Variants in HACE1 observed in about 807,000 individuals in gnomAD.
HACE1 encodes E3 ubiquitin-protein ligase HACE1.
A neutral mutation model predicts 118.4 loss-of-function variants in HACE1; 73 were observed. The observed-to-expected ratio is 0.62, with a 90% CI of 0.51 to 0.75. The LOEUF is 0.75. Among genes scored for constraint, HACE1 ranks in the 30% least tolerant of loss-of-function variants. The pLI is 0.00. For missense variants in HACE1, 749 were observed against 1,102.2 expected (o/e 0.68, Z 4.54); for synonymous variants, 368 against 374.8 (o/e 0.98, Z 0.21).
At chr6:104,812,998 G>A (rs1199229680) in intron 6 of HACE1, among the ~76,000 whole-genome samples, 2 of 87,844 alleles carry the variant, frequency 2.3e-5, no homozygotes, top group East Asian at 3.4e-4. Context: ...AAGACACACA[G>A]GTAGAGCAAA....
chr6:104,763,870 T>C (rs766141661), intron 19 of HACE1, among the ~76,000 whole-genome samples: 2 of 152,008 alleles, frequency 1.3e-5, no homozygotes, highest in Non-Finnish European at 2.9e-5. Flanking sequence ...GCCAACATGG[T>C]GAAACCTCAT....
chr6:104,751,898 T>A (rs1461986941), intron 19 of HACE1, among the ~76,000 whole-genome samples: 2 of 88,920 alleles, frequency 2.2e-5, no homozygotes, highest in African/African-American at 1.1e-4. Context: ...TTTATTTTTC[T>A]TTTTTTGGCA....
chr6:104,859,877 C>G lies in HACE1; in HGVS notation c.-235G>C. On this transcript the variant is annotated 5_prime_UTR_variant, in exon 1 of 24. Transcript: ENST00000262903. ...GCCGCCTCTGCTCGCGCCTTTCCTG[C>G]AGCCCCCGCCGCCGCGTCCCTCCCG... 2.1e-6 allele frequency: 1 copy of G among 485,284 alleles called. No homozygotes were observed. The highest frequency in any genetic ancestry group is 2.7e-5 in the South Asian group (1 of 37,176). 30.1% of individuals were successfully genotyped at this position (485,284 alleles called of 1,614,324 possible).
At chr6:104,833,210 AGT>A in intron 5 of HACE1, 37 bp from the exon 6 acceptor site, 1 of 1,590,154 alleles carries the variant, frequency 6.3e-7, no homozygotes, top group Non-Finnish European at 8.6e-7. Context: ...TTTGTGTAAT[AGT>A]GTTTTATATA....
chr6:104,787,370 C>A (rs1048772250), intron 11 of HACE1: 12 of 152,168 alleles, frequency 7.9e-5, no homozygotes, highest in African/African-American at 2.9e-4. Context: ...GCAAGAAGCA[C>A]CCAGCTGCCA....
rs1293894268 is a variant in HACE1, at chr6:104,815,070, G to A, written c.535-3677C>T. ...AAATGTGGAAGCGACTTTGGAACTGGGTAAGGGGCAGAGGTTGGAACAGTT... is the reference window on the plus strand; with the variant it reads ...AAATGTGGAAGCGACTTTGGAACTGAGTAAGGGGCAGAGGTTGGAACAGTT... On this transcript the variant is annotated intron_variant, in intron 6 of 23. Coordinates refer to ENST00000262903, the MANE Select transcript of HACE1 (RefSeq NM_020771.4). Among the ~76,000 whole-genome samples, 6 of 138,420 alleles carry A rather than the reference G, an allele frequency of 4.3e-5. 2 individuals are homozygous for A. The highest frequency in any genetic ancestry group is 9.3e-5 in the Non-Finnish European group (6 of 64,292). 90.8% of individuals were successfully genotyped at this position (138,420 alleles called of 152,430 possible).
intron 6 of HACE1, chr6:104,824,971 T>C (rs1261534200): frequency 1.3e-5 from 2 of 149,288 alleles, no homozygotes; most frequent in African/African-American, 2.5e-5. Flanking sequence ...TAGTCCCAGC[T>C]ACGCGGGAGG....
intron 5 of HACE1, among the ~76,000 whole-genome samples, 165 bp from the exon 6 acceptor site, chr6:104,833,338 A>AT (rs990061955): frequency 2.6e-5 from 4 of 151,998 alleles, no homozygotes; most frequent in Admixed American, 1.3e-4. Flanking sequence ...AGTCCATGTC[A>AT]TTTTTTTCCT....
chr6:104,812,765 G>T (rs975570712), intron 6 of HACE1, among the ~76,000 whole-genome samples: 2 of 152,134 alleles, frequency 1.3e-5, no homozygotes, highest in Admixed American at 6.5e-5. Flanking sequence ...AACAAAAAAG[G>T]AATAGAGGAA....
intron 7 of HACE1, among the ~76,000 whole-genome samples, chr6:104,799,799 C>T (rs556720323): frequency 9.2e-5 from 14 of 152,140 alleles, no homozygotes; most frequent in Admixed American, 5.2e-4. Flanking sequence ...CGGTCTGCAG[C>T]TCCTAGCATG....
intron 6 of HACE1, among the ~76,000 whole-genome samples, chr6:104,830,209 G>T (rs1048409439): frequency 2.0e-5 from 3 of 152,090 alleles, no homozygotes; most frequent in Non-Finnish European, 2.9e-5. Context: ...GAGAGCTATC[G>T]GCTAGACTCA....
At chr6:104,764,072 T>G (rs1160825423) in intron 19 of HACE1, among the ~76,000 whole-genome samples, 1 of 151,986 alleles carries the variant, frequency 6.6e-6, no homozygotes, top group Admixed American at 6.5e-5. Context: ...AAAAAAGTAC[T>G]GCACACTTTT....
intron 6 of HACE1, among the ~76,000 whole-genome samples, chr6:104,820,265 C>G (rs1247153268): frequency 6.6e-6 from 1 of 151,176 alleles, no homozygotes; most frequent in Non-Finnish European, 1.5e-5. Flanking sequence ...CAATACCATT[C>G]AGGACTTAGG....
intron 19 of HACE1, among the ~76,000 whole-genome samples, chr6:104,753,171 C>T (rs1477012434): frequency 1.3e-5 from 2 of 152,150 alleles, no homozygotes; most frequent in African/African-American, 2.4e-5. Context: ...TGCCCAGTAA[C>T]ATTTCAAGTG....
rs145369786 is a variant in HACE1 at position 104,798,064 on chromosome 6, G to A, written c.618-1039C>T. On this transcript the variant is annotated intron_variant, in intron 7 of 23. Coordinates refer to ENST00000262903, the MANE Select transcript of HACE1 (RefSeq NM_020771.4). ...GCCTGGGTAACAAGAGCAAAACCCCGTCTCGAAAAAAAAAAAAAAGAAAGA... is the reference window on the plus strand; with the variant it reads ...GCCTGGGTAACAAGAGCAAAACCCCATCTCGAAAAAAAAAAAAAAGAAAGA... Among the ~76,000 whole-genome samples the A allele has an allele frequency of 9.4e-4, 100 of 106,250 alleles. 1 individual carries two copies. In the East Asian group the frequency reaches 0.02, roughly 21 times the overall value. The allele number at this position is 106,250 out of a possible 152,430, so 69.7% of individuals were successfully genotyped here. A position where few individuals can be genotyped will look rare whatever the true frequency, so the allele number is the denominator to read the frequency against.
intron 17 of HACE1, among the ~76,000 whole-genome samples, chr6:104,775,029 T>C (rs1781077434): frequency 6.6e-6 from 1 of 152,274 alleles, no homozygotes; most frequent in African/African-American, 2.4e-5. Context: ...GAGACTGATA[T>C]GGCTTACAAA....
chr6:104,736,843 T>TA (rs1445622356), intron 22 of HACE1, among the ~76,000 whole-genome samples: 8 of 151,916 alleles, frequency 5.3e-5, no homozygotes, highest in Admixed American at 2.6e-4. Flanking sequence ...GTAAAAAGAC[T>TA]AAAAAAAATA....
chr6:104,794,943 T>C (rs1422247419), intron 10 of HACE1, among the ~76,000 whole-genome samples: 1 of 151,864 alleles, frequency 6.6e-6, no homozygotes, highest in African/African-American at 2.4e-5. Context: ...TGTGTGTGTA[T>C]ACATATATAC....
At chr6:104,828,317 T>A (rs1037784120) in intron 6 of HACE1, among the ~76,000 whole-genome samples, 1 of 152,040 alleles carries the variant, frequency 6.6e-6, no homozygotes, top group Non-Finnish European at 1.5e-5. Context: ...CAGAATCACA[T>A]CACACATATT....
Sources: allele counts gnomAD v4.1 joint callset (sites outside exome capture counted in the v4.1 genomes callset), GRCh38; gene constraint gnomAD v4.1.1; transcripts MANE v1.5; gene names NCBI Gene and HGNC (gene_info 2026-07-23, HGNC 2026-07-21).